Variants in XPO4 observed in about 807,000 individuals in gnomAD.
XPO4 encodes exportin 4, also known as exportin-4.
In XPO4, 39 loss-of-function variants were observed where a neutral mutation model predicts 143.0. The ratio of observed to expected loss-of-function variants is 0.27; its 90% CI spans 0.21 to 0.36. The LOEUF is 0.36. XPO4 is among the 10% of genes least tolerant of loss of function. The probability of loss-of-function intolerance (pLI) is 1.00; values close to 1 mark genes in which losing one functional copy is unlikely to be tolerated. For synonymous variants in XPO4, 439 were observed against 474.0 expected (o/e 0.93, Z 0.96); for missense variants, 907 against 1,348.0 (o/e 0.67, Z 5.12).
At chr13:20,825,199 T>C (rs996749339) in intron 7 of XPO4, among the ~76,000 whole-genome samples, 1 of 152,134 alleles carries the variant, frequency 6.6e-6, no homozygotes, top group African/African-American at 2.4e-5. Flanking sequence ...AATCAAGAAG[T>C]TTGTAAACTT....
In XPO4 at chr13:20,822,305, A is replaced by G. The variant is rs761698876; in HGVS notation, c.841-16T>C. 7.5e-6 allele frequency: 12 copies of G among 1,605,354 alleles called. No individual in the cohort carries two copies. The highest frequency in any genetic ancestry group is 1.3e-5 in the African/African-American group (1 of 74,524). Reference sequence around the variant, plus strand: ...TTCGATGTACCTGTTAGAAAGAATTACTAATCCATAAATATAAATTCTTCC... The same window carrying G: ...TTCGATGTACCTGTTAGAAAGAATTGCTAATCCATAAATATAAATTCTTCC... On this transcript the variant is annotated splice_polypyrimidine_tract_variant and intron_variant, in intron 7 of 22. Transcript: ENST00000255305.
intron 1 of XPO4, among the ~76,000 whole-genome samples, chr13:20,898,102 C>CA (rs2060586173): frequency 6.6e-6 from 1 of 152,124 alleles, no homozygotes; most frequent in Non-Finnish European, 1.5e-5. Context: ...ATTTACTTCA[C>CA]AGGACTGATA....
chr13:20,808,703 CATT>C (rs1478114470), intron 11 of XPO4, 122 bp from the exon 12 acceptor site: 3 of 778,564 alleles, frequency 3.9e-6, no homozygotes, highest in African/African-American at 3.5e-5. Flanking sequence ...TATACAAAAA[CATT>C]ATAGTACACA....
chr13:20,888,976 ATT>A (rs1400392786), intron 1 of XPO4, among the ~76,000 whole-genome samples: 4 of 151,646 alleles, frequency 2.6e-5, no homozygotes, highest in African/African-American at 9.7e-5. Context: ...TTCCCAGTTA[ATT>A]TTTTTGTCAT....
At chr13:20,899,128 T>C (rs1438098102) in intron 1 of XPO4, among the ~76,000 whole-genome samples, 1 of 152,110 alleles carries the variant, frequency 6.6e-6, no homozygotes, top group Non-Finnish European at 1.5e-5. Flanking sequence ...GGGACTTAAG[T>C]ATCAATGCAC....
chr13:20,815,959 A>G (rs2059644969), intron 9 of XPO4, among the ~76,000 whole-genome samples: 1 of 152,210 alleles, frequency 6.6e-6, no homozygotes. Flanking sequence ...TAACAGGAGA[A>G]GGAAAAAACC....
At chr13:20,868,973 T>TA (rs1203486653) in intron 1 of XPO4, among the ~76,000 whole-genome samples, 13 of 152,286 alleles carry the variant, frequency 8.5e-5, no homozygotes, top group Non-Finnish European at 1.8e-4. Context: ...AACAGATACT[T>TA]ATCTAACATT....
At chr13:20,848,677 A>G (rs1222138918) in intron 4 of XPO4, 1 of 985,294 alleles carries the variant, frequency 1.0e-6, no homozygotes, top group Non-Finnish European at 1.2e-6. Flanking sequence ...CACTAAAGCA[A>G]TATAGTAAAT....
At chr13:20,831,393 A>C (rs942221409) in intron 6 of XPO4, among the ~76,000 whole-genome samples, 4 of 152,204 alleles carry the variant, frequency 2.6e-5, no homozygotes, top group Admixed American at 2.6e-4. Context: ...TTTACAACAA[A>C]TATGTCACCA....
Position 20,821,734 on chromosome 13 carries a change from A to G in XPO4, c.1143T>C (p.Ser381=), listed in dbSNP as rs2059722175. 1 of 1,613,450 alleles carries G rather than the reference A, an allele frequency of 6.2e-7. No homozygotes were observed. Among genetic ancestry groups the G allele is most frequent in the South Asian group, 1.1e-5 (1 of 90,936 alleles). Reference sequence around the variant, plus strand: ...CTTCCAATGCAGCACTTCGCCCAAAAGAACAAGTGAGGTGTGTGAGGCAGT... The same window carrying G: ...CTTCCAATGCAGCACTTCGCCCAAAGGAACAAGTGAGGTGTGTGAGGCAGT... ...FVNCLTHLTC[S]FGRSAALEEV... is the part of the protein sequence containing the mutation. The change falls in exon 9 of 23, where the codon TCT becomes TCC. Residue 381 remains serine (S), a synonymous_variant. Coordinates refer to ENST00000255305, the MANE Select transcript of XPO4 (RefSeq NM_022459.5).
In XPO4 at chr13:20,858,768, G is replaced by A. The variant is rs370253840; in HGVS notation, c.318-3003C>T. Among the ~76,000 whole-genome samples, 304 of 152,060 alleles carry A rather than the reference G, an allele frequency of 2.0e-3. 1 individual carries two copies. The highest frequency in any genetic ancestry group is 7.1e-3 in the South Asian group (34 of 4,814). Reference sequence around the variant, plus strand: ...TGCTTGTAATCCCAGCTACTCCAGAGGCTGAGGCAGTAGAATCGCTGGAAC... The same window carrying A: ...TGCTTGTAATCCCAGCTACTCCAGAAGCTGAGGCAGTAGAATCGCTGGAAC... On this transcript the variant is annotated intron_variant, in intron 3 of 22. Coordinates refer to ENST00000255305, the MANE Select transcript of XPO4 (RefSeq NM_022459.5).
chr13:20,831,404 C>A (rs1055735424), intron 6 of XPO4, among the ~76,000 whole-genome samples: 14 of 152,036 alleles, frequency 9.2e-5, no homozygotes, highest in African/African-American at 3.4e-4. Flanking sequence ...TATGTCACCA[C>A]GAAAGAACAG....
chr13:20,854,997 G>A (rs541576536), intron 4 of XPO4, among the ~76,000 whole-genome samples: 1 of 152,112 alleles, frequency 6.6e-6, no homozygotes, highest in East Asian at 1.9e-4. Flanking sequence ...TATTAGAAAT[G>A]GCAAAACAAA....
At chr13:20,879,844 C>G (rs937785488) in intron 1 of XPO4, among the ~76,000 whole-genome samples, 1 of 152,092 alleles carries the variant, frequency 6.6e-6, no homozygotes, top group Non-Finnish European at 1.5e-5. Context: ...TATCTGTAAT[C>G]TATAAAGAAC....
chr13:20,821,681 T>G, intron 9 of XPO4, 23 bp downstream of exon 9: 1 of 1,586,464 alleles, frequency 6.3e-7, no homozygotes, highest in Non-Finnish European at 8.6e-7. Context: ...ACTGACACAA[T>G]TTACTTTAGA....
At chr13:20,862,654 G>C in intron 3 of XPO4, 63 bp downstream of exon 3, 1 of 1,591,476 alleles carries the variant, frequency 6.3e-7, no homozygotes, top group Non-Finnish European at 8.6e-7. Flanking sequence ...AACAAAAAAA[G>C]CTCTAAAAAG....
At chr13:20,848,920 A>G in intron 4 of XPO4, 1 of 985,444 alleles carries the variant, frequency 1.0e-6, no homozygotes, top group African/African-American at 1.7e-5. Flanking sequence ...AAAATTCACA[A>G]GTTAATTCAC....
chr13:20,823,825 T>C (rs1014088346), intron 7 of XPO4, among the ~76,000 whole-genome samples: 9 of 152,194 alleles, frequency 5.9e-5, no homozygotes, highest in African/African-American at 1.7e-4. Context: ...CTAATTTTTG[T>C]ATTTTTAGTA....
chr13:20,803,235 T>C lies in XPO4; in HGVS notation c.1818-2245A>G, dbSNP rs1172760096. On this transcript the variant is annotated intron_variant, in intron 13 of 22. Coordinates refer to ENST00000255305, the MANE Select transcript of XPO4 (RefSeq NM_022459.5). The surrounding 1 kb of genome is among the most constrained non-coding windows in gnomAD (Gnocchi z 4.1). ...TGATGTGATTAGGTCCTCTTGTTAT[T>C]TAATGCAAAGGACTGAAACCTGCTA... Among the ~76,000 whole-genome samples, 1 of 152,222 alleles carries C rather than the reference T, an allele frequency of 6.6e-6. No homozygotes were observed. Among genetic ancestry groups the C allele is most frequent in the East Asian group, 1.9e-4 (1 of 5,196 alleles).
Sources: gnomAD v4.1 joint callset for allele counts (sites outside exome capture counted in the v4.1 genomes callset) on GRCh38, gnomAD v4.1.1 for gene constraint, Gnocchi (gnomAD v3.1) non-coding constraint, MANE v1.5 for transcripts, NCBI Gene and HGNC (gene_info 2026-07-23, HGNC 2026-07-21) for gene names.